The following NAA25 variants were observed in gnomAD, a reference collection of about 807,000 sequenced individuals.
NAA25 encodes the protein N-terminal acetyltransferase B complex subunit NAA25.
A neutral mutation model predicts 132.5 loss-of-function variants in NAA25; 30 were observed. The ratio of observed to expected loss-of-function variants is 0.23; its 90% CI spans 0.17 to 0.31. The LOEUF is 0.31. NAA25 is among the 10% of genes least tolerant of loss of function. NAA25 has a pLI of 1.00. For missense variants in NAA25, 771 were observed against 1,150.4 expected (o/e 0.67, Z 4.77); for synonymous variants, 359 against 401.9 (o/e 0.89, Z 1.28).
At chr12:112,061,733 T>C (rs2078632819) in intron 11 of NAA25, among the ~76,000 whole-genome samples, 1 of 152,068 alleles carries the variant, frequency 6.6e-6, no homozygotes, top group Admixed American at 6.6e-5. Context: ...ATGAAAACAT[T>C]AGGAAGACTA....
At position 112,027,969 on chromosome 12, in the gene NAA25, C is replaced by T. The variant is rs1398525264; in HGVS notation, c.*1562G>A. On this transcript the variant is annotated 3_prime_UTR_variant, in exon 24 of 24. Coordinates refer to ENST00000261745, the MANE Select transcript of NAA25 (RefSeq NM_024953.4). ...AAATTAGTTGATGGACTAGGATTTC[C>T]AACAAGCCTTATTTTGAACAGGTAA... 6.6e-6 allele frequency: 1 copy of T among 152,168 alleles called. No homozygotes were observed. The highest frequency in any genetic ancestry group is 1.5e-5 in the Non-Finnish European group (1 of 68,038). 9.4% of individuals were successfully genotyped at this position (152,168 alleles called of 1,614,324 possible).
chr12:112,064,908 C>T (rs1245724225), intron 11 of NAA25, among the ~76,000 whole-genome samples: 1 of 152,006 alleles, frequency 6.6e-6, no homozygotes, highest in Non-Finnish European at 1.5e-5. Flanking sequence ...GTGGTGCATG[C>T]CTGTAATCCC....
chr12:112,090,346 G>C (rs2136926650), intron 3 of NAA25: 1 of 161,034 alleles, frequency 6.2e-6, no homozygotes, highest in African/African-American at 2.4e-5. Flanking sequence ...AATCTGCCAG[G>C]GGAAAGGGTA....
At chr12:112,033,966 C>T (rs1156692957) in intron 22 of NAA25, 1 of 151,984 alleles carries the variant, frequency 6.6e-6, no homozygotes, top group African/African-American at 2.4e-5. Context: ...AAAAACCTAG[C>T]CAATCAATTA....
intron 23 of NAA25, among the ~76,000 whole-genome samples, chr12:112,032,026 C>T (rs1856377900): frequency 6.6e-6 from 1 of 151,382 alleles, no homozygotes; most frequent in African/African-American, 2.4e-5. Context: ...TGCAGTGGCG[C>T]AATCTCGGCT....
intron 4 of NAA25, among the ~76,000 whole-genome samples, chr12:112,087,292 A>C (rs561625618): frequency 6.6e-6 from 1 of 152,334 alleles, no homozygotes; most frequent in East Asian, 1.9e-4. Flanking sequence ...GCAGGCTATC[A>C]ACAGTTTAAA....
chr12:112,088,864 C>T lies in NAA25; in HGVS notation c.284-1063G>A, dbSNP rs538108246. ...CGAACTCCCGACCTCAGGTAATCCA[C>T]CCACCTCAGCCTCCCAAAGTGCTGG... is the stretch of plus-strand genomic sequence containing the variant. On this transcript the variant is annotated intron_variant, in intron 3 of 23. Coordinates refer to ENST00000261745, the MANE Select transcript of NAA25 (RefSeq NM_024953.4). Among the ~76,000 whole-genome samples the T allele has an allele frequency of 8.5e-5, 13 of 152,294 alleles. No individual in the cohort carries two copies. In the East Asian group the frequency reaches 2.5e-3, roughly 29 times the overall value.
chr12:112,058,847 A>G (rs939890655), intron 13 of NAA25, among the ~76,000 whole-genome samples: 1 of 152,050 alleles, frequency 6.6e-6, no homozygotes, highest in Non-Finnish European at 1.5e-5. Context: ...TAACGAGGTC[A>G]GGTAATCGAG....
intron 1 of NAA25, 146 bp downstream of exon 1, chr12:112,108,570 G>A (rs2079401026): frequency 4.6e-6 from 4 of 867,720 alleles, no homozygotes; most frequent in Non-Finnish European, 5.8e-6. Flanking sequence ...GAGGCCCGCG[G>A]CTGCGGCCTA....
At chr12:112,045,552 T>G (rs1026266323) in intron 17 of NAA25, among the ~76,000 whole-genome samples, 1 of 151,204 alleles carries the variant, frequency 6.6e-6, no homozygotes, top group African/African-American at 2.4e-5. Flanking sequence ...CACAGCACTT[T>G]GAGTGGCCCA....
intron 21 of NAA25, 75 bp downstream of exon 21, chr12:112,040,406 T>C: frequency 1.2e-6 from 1 of 845,394 alleles, no homozygotes; most frequent in East Asian, 2.6e-5. Context: ...GCCTATTACC[T>C]GTTCACTGTT....
intron 11 of NAA25, among the ~76,000 whole-genome samples, chr12:112,063,504 C>T (rs1031058889): frequency 1.3e-5 from 2 of 152,180 alleles, no homozygotes; most frequent in African/African-American, 2.4e-5. Flanking sequence ...TTCAGGCTCC[C>T]ACCCTATACT....
intron 17 of NAA25, among the ~76,000 whole-genome samples, chr12:112,046,968 T>C (rs1354057699): frequency 6.6e-6 from 1 of 152,208 alleles, no homozygotes; most frequent in Non-Finnish European, 1.5e-5. Context: ...TCCTCACCTA[T>C]TTAAAAATAT....
In NAA25 at chr12:112,047,650, T is replaced by C. The variant is rs1468986826; in HGVS notation, c.2006+15A>G. The C allele has an allele frequency of 2.5e-6, 4 of 1,607,190 alleles. No homozygotes were observed. Among genetic ancestry groups the C allele is most frequent in the East Asian group, 2.2e-5 (1 of 44,858 alleles). ...CAAAAACTTTAAAAATTGCTTGGGGTTAAATTCCAGTTACCTGTCTTTTGG... is the reference window on the plus strand; with the variant it reads ...CAAAAACTTTAAAAATTGCTTGGGGCTAAATTCCAGTTACCTGTCTTTTGG... On this transcript the variant is annotated intron_variant, in intron 17 of 23. Coordinates refer to ENST00000261745, the MANE Select transcript of NAA25 (RefSeq NM_024953.4).
chr12:112,107,645 C>G (rs2079382203), intron 1 of NAA25, among the ~76,000 whole-genome samples: 1 of 152,090 alleles, frequency 6.6e-6, no homozygotes, highest in Non-Finnish European at 1.5e-5. Context: ...CCACCGCCCC[C>G]CGCTCCCAAA....
chr12:112,040,589 A>G lies in NAA25; in HGVS notation c.2441-11T>C. The stretch of plus-strand genomic sequence containing the variant: ...ATTTACTGAAGACATCTGAAAACAA[A>G]AAACATTTTAGTTTTATTCAGCTTT... On this transcript the variant is annotated splice_polypyrimidine_tract_variant and intron_variant, in intron 20 of 23. Coordinates refer to ENST00000261745, the MANE Select transcript of NAA25 (RefSeq NM_024953.4). The G allele has an allele frequency of 6.8e-7, 1 of 1,478,632 alleles. No individual in the cohort carries two copies. Among genetic ancestry groups the G allele is most frequent in the South Asian group, 1.2e-5 (1 of 83,502 alleles). The allele number at this position is 1,478,632 out of a possible 1,614,324, so 91.6% of individuals were successfully genotyped here.
intron 11 of NAA25, chr12:112,065,816 T>C (rs2078709524): frequency 6.6e-6 from 1 of 152,196 alleles, no homozygotes. Flanking sequence ...AGTCAGACTT[T>C]AGAAAGATTT....
rs2136789604 is a variant in NAA25, at chr12:112,028,841, C to T, written c.*690G>A. On this transcript the variant is annotated 3_prime_UTR_variant, in exon 24 of 24. Transcript: ENST00000261745. Reference sequence around the variant, plus strand: ...ACAGCTATAAATTAACAGAGCCTTCCTTGCCTTCTTACCTGAGATTTTTAA... The same window carrying T: ...ACAGCTATAAATTAACAGAGCCTTCTTTGCCTTCTTACCTGAGATTTTTAA... 6.6e-6 allele frequency: 1 copy of T among 152,280 alleles called. No individual in the cohort carries two copies. Among genetic ancestry groups the T allele is most frequent in the South Asian group, 2.1e-4 (1 of 4,826 alleles). The allele number at this position is 152,280 out of a possible 1,614,324, so 9.4% of individuals were successfully genotyped here.
At chr12:112,043,336 A>G in intron 18 of NAA25, 125 bp from the exon 19 acceptor site, 1 of 979,458 alleles carries the variant, frequency 1.0e-6, no homozygotes, top group Non-Finnish European at 1.5e-6. Context: ...CTAATCAGCA[A>G]ACTAATAACT....
Sources: gnomAD v4.1 joint callset for allele counts (sites outside exome capture counted in the v4.1 genomes callset) on GRCh38, gnomAD v4.1.1 for gene constraint, MANE v1.5 for transcripts, NCBI Gene and HGNC (gene_info 2026-07-23, HGNC 2026-07-21) for gene names.